The following EVPL variants were observed in gnomAD, a reference collection of about 807,000 sequenced individuals.
The protein encoded by EVPL is 210 kDa cornified envelope precursor protein.
In EVPL, 94 loss-of-function variants were observed where a neutral mutation model predicts 129.7. The ratio of observed to expected loss-of-function variants is 0.72; its 90% CI spans 0.61 to 0.86. The LOEUF is 0.86. Ranked by LOEUF, EVPL falls within the 40% of genes least tolerant of loss-of-function variation. The probability of loss-of-function intolerance (pLI) is 0.00; values close to 1 mark genes in which losing one functional copy is unlikely to be tolerated. For missense variants in EVPL, 2,625 were observed against 2,721.1 expected, an observed-to-expected ratio of 0.96 and a Z score of 0.79; for synonymous variants, 1,172 against 1,191.1, an observed-to-expected ratio of 0.98 and a Z score of 0.33.
rs755133528 is a variant in EVPL, at chr17:76,010,008, C to T, written c.3197G>A (p.Arg1066Lys). The T allele has an allele frequency of 1.9e-6, 3 of 1,613,498 alleles. No individual in the cohort carries two copies. Among genetic ancestry groups the T allele is most frequent in the Admixed American group, 3.3e-5 (2 of 60,030 alleles). Residue 1066 changes from arginine to lysine, a missense_variant, in exon 22 of 22, where the codon AGG (arginine) becomes AAG (lysine). By Grantham distance (26) the Arg-to-Lys change is conservative. Coordinates refer to ENST00000301607, the MANE Select transcript of EVPL (RefSeq NM_001988.4). ...LKKELLALEK[R>K]EVDVKEKVVV... ...GACCTTCTCCTTCACGTCCACCTCC[C>T]TCTTCTCAAGGGCCAGTAGCTCCTT... is the stretch of plus-strand genomic sequence containing the variant.
At chr17:76,015,396 C>T in intron 15 of EVPL, 31 bp from the exon 16 acceptor site, 1 of 1,603,600 alleles carries the variant, frequency 6.2e-7, no homozygotes, top group Non-Finnish European at 8.5e-7. Context: ...CTCAGACACT[C>T]CCTGGGCCAC....
chr17:76,020,155 ATAAACT>A (rs1239079149), intron 9 of EVPL, among the ~76,000 whole-genome samples: 2 of 148,816 alleles, frequency 1.3e-5, no homozygotes, highest in African/African-American at 2.5e-5. Context: ...CACAAACCAG[ATAAACT>A]TAAACCAGAT....
At position 76,007,959 on chromosome 17, in the gene EVPL, A is replaced by G. The variant is rs202123368; in HGVS notation, c.5246T>C (p.Ile1749Thr). 2 of 1,614,100 alleles carry G rather than the reference A, an allele frequency of 1.2e-6. No individual in the cohort carries two copies. Among genetic ancestry groups the G allele is most frequent in the Non-Finnish European group, 1.7e-6 (2 of 1,180,030 alleles). ...GCGCCGGCAGCGGAGGGCGGCCTCG[A>G]TGGAGTACTGCTTCCCGCTCTTGCG... is the stretch of plus-strand genomic sequence containing the variant. The part of the protein sequence containing the change: ...LDRKSGKQYS[I>T]EAALRCRRIS... Residue 1749 changes from isoleucine (I) to threonine (T), a missense_variant, in exon 22 of 22, where the codon ATC becomes ACC. Around this residue, in one of 4 missense-constraint regions of EVPL, gnomAD observed 1,453 missense variants for 1,511.8 expected, o/e 0.96. Coordinates refer to ENST00000301607, the MANE Select transcript of EVPL (RefSeq NM_001988.4). The surrounding 1 kb of genome is among the most constrained non-coding windows in gnomAD (Gnocchi z 8.8).
Position 76,015,078 on chromosome 17 carries a change from G to T in EVPL, c.2060C>A (p.Thr687Asn). Residue 687 changes from threonine to asparagine, a missense_variant, in exon 17 of 22, where the codon ACC (threonine) becomes AAC (asparagine). By Grantham distance (65) the Thr-to-Asn change is moderately conservative (BLOSUM62 0). Transcript: ENST00000301607. ...CGCGCGGTGTAGCCGCAGCACGCAG[G>T]TCTGCTGTTCCAGCAGCTCCCTCCG... ...RQRRELLEQQ[T>N]CVLRLHRALK... 1 of 1,579,334 alleles carries T rather than the reference G, an allele frequency of 6.3e-7. No individual in the cohort carries two copies. The highest frequency in any genetic ancestry group is 8.6e-7 in the Non-Finnish European group (1 of 1,164,266).
Position 76,008,303 on chromosome 17 carries a change from C to T in EVPL, c.4902G>A (p.Arg1634=), listed in dbSNP as rs1406133005. The T allele has an allele frequency of 6.2e-7, 1 of 1,609,612 alleles. No individual in the cohort carries two copies. Among genetic ancestry groups the T allele is most frequent in the South Asian group, 1.1e-5 (1 of 91,072 alleles). The part of the protein sequence containing the change: ...TESERQKAAQ[R]GQELSRLEAA... ...CCTCCAGCCGCGAGAGCTCCTGGCC[C>T]CGCTGGGCCGCCTTCTGTCGCTCGC... The change falls in exon 22 of 22, where the codon CGG becomes CGA. Residue 1634 remains arginine, a synonymous_variant. Transcript: ENST00000301607. This position sits in a 1 kb window ranked among gnomAD's most constrained non-coding sequence, Gnocchi z 7.4.
In EVPL at chr17:76,009,481, G is replaced by A. The variant is rs141948489; in HGVS notation, c.3724C>T (p.Arg1242Trp). 140 of 1,613,910 alleles carry A rather than the reference G, an allele frequency of 8.7e-5. No individual in the cohort carries two copies. The highest frequency in any genetic ancestry group is 1.1e-4 in the Non-Finnish European group (132 of 1,180,040). ...EKLLPDLEVL[R>W]AQKPTVEYKE... ...TACTCCACCGTGGGCTTCTGGGCCC[G>A]CAGGACCTCCAGGTCGGGCAGCAGC... Residue 1242 changes from arginine (R) to tryptophan (W), a missense_variant, in exon 22 of 22, where the codon CGG becomes TGG. Transcript: ENST00000301607. This position sits in a 1 kb window ranked among gnomAD's most constrained non-coding sequence, Gnocchi z 5.9.
rs752078611 is a variant in EVPL at position 76,010,305 on chromosome 17, T to C, written c.2900A>G (p.Gln967Arg). 1.9e-6 allele frequency: 3 copies of C among 1,613,954 alleles called. No individual in the cohort carries two copies. ...KEVVEFYRDP[Q>R]LEGSLSRVKA... is the part of the protein sequence containing the mutation. ...CACCCTGGACAGGCTGCCCTCCAGC[T>C]GGGGGTCCCGGTAGAACTCTACCAC... The change falls in exon 22 of 22, where the codon CAG (glutamine) becomes CGG (arginine). Residue 967 changes from glutamine (Q) to arginine (R), a missense_variant. Transcript: ENST00000301607.
rs1357999681 is a variant in EVPL, at chr17:76,013,463, G to A, written c.2373+963C>T. On this transcript the variant is annotated intron_variant, in intron 18 of 21. Coordinates refer to ENST00000301607, the MANE Select transcript of EVPL (RefSeq NM_001988.4). The surrounding 1 kb of genome is among the most constrained non-coding windows in gnomAD (Gnocchi z 4.3). The stretch of plus-strand genomic sequence containing the variant: ...CGGCTGTCCTGGCCACCTCATTTCA[G>A]CATGACCCAGCCGGCCCCATTCCTC... 6.6e-6 allele frequency among the ~76,000 whole-genome samples: 1 copy of A among 152,098 alleles called. No homozygotes were observed. Among genetic ancestry groups the A allele is most frequent in the East Asian group, 1.9e-4 (1 of 5,184 alleles).
chr17:76,015,569 G>C lies in EVPL; in HGVS notation c.1770C>G (p.Cys590Trp). 1 of 1,613,304 alleles carries C rather than the reference G, an allele frequency of 6.2e-7. No homozygotes were observed. The highest frequency in any genetic ancestry group is 8.5e-7 in the Non-Finnish European group (1 of 1,180,024). Residue 590 changes from cysteine to tryptophan, a missense_variant, in exon 15 of 22, where the codon TGC (cysteine) becomes TGG (tryptophan). By Grantham distance (215) the Cys-to-Trp change is radical (BLOSUM62 -2). Coordinates refer to ENST00000301607, the MANE Select transcript of EVPL (RefSeq NM_001988.4). ...GTEKETAQKE[C>W]EAFLSTRPVG... ...CGGGCCGCGTGGACAGAAACGCCTC[G>C]CACTCCTTCTGGGCTGTCTCCTTCT...
chr17:76,012,124 A>C, intron 18 of EVPL, 35 bp from the exon 19 acceptor site: 2 of 1,540,488 alleles, frequency 1.3e-6, no homozygotes, highest in South Asian at 2.3e-5. Context: ...GGAGGCCAGG[A>C]AATGCCAATC....
At position 76,009,741 on chromosome 17, in the gene EVPL, A is replaced by G; in HGVS notation, c.3464T>C (p.Leu1155Pro). The change falls in exon 22 of 22, where the codon CTG becomes CCG. Residue 1155 changes from leucine (L) to proline (P), a missense_variant. Leu to Pro is a moderately conservative substitution (Grantham distance 98). Coordinates refer to ENST00000301607, the MANE Select transcript of EVPL (RefSeq NM_001988.4). This position sits in a 1 kb window ranked among gnomAD's most constrained non-coding sequence, Gnocchi z 5.9. ...CCTCTCCTCCTCGAGGAGGCTCCTCAGCCTGGAGGACTCCTGGAGGAGCCC... is the reference window on the plus strand; with the variant it reads ...CCTCTCCTCCTCGAGGAGGCTCCTCGGCCTGGAGGACTCCTGGAGGAGCCC... ...DPGLLQESSR[L>P]RSLLEEERTK... The G allele has an allele frequency of 6.2e-7, 1 of 1,613,594 alleles. No individual in the cohort carries two copies. The highest frequency in any genetic ancestry group is 8.5e-7 in the Non-Finnish European group (1 of 1,179,962).
chr17:76,021,119 A>G (rs2066454022), intron 9 of EVPL, among the ~76,000 whole-genome samples: 1 of 152,102 alleles, frequency 6.6e-6, no homozygotes. Context: ...GCAGTGGACC[A>G]ATCTCGGCCC....
At chr17:76,026,522 C>T (rs1361616189) in intron 1 of EVPL, among the ~76,000 whole-genome samples, 1 of 152,212 alleles carries the variant, frequency 6.6e-6, no homozygotes, top group Admixed American at 6.5e-5. Flanking sequence ...GCCATGAACC[C>T]CTAACTCTTC....
At chr17:76,015,813 A>C (rs937674181) in intron 14 of EVPL, among the ~76,000 whole-genome samples, 185 bp from the exon 15 acceptor site, 3 of 152,200 alleles carry the variant, frequency 2.0e-5, no homozygotes, top group African/African-American at 7.2e-5. Context: ...GGGGCAGAGC[A>C]AACTGTCTGA....
At chr17:76,021,141 C>T (rs1287518409) in intron 9 of EVPL, among the ~76,000 whole-genome samples, 6 of 152,108 alleles carry the variant, frequency 3.9e-5, no homozygotes, top group Non-Finnish European at 7.4e-5. Context: ...CTGCAACCTC[C>T]GCCTCCTGGG....
At position 76,010,304 on chromosome 17, in the gene EVPL, C is replaced by T. The variant is rs780764416; in HGVS notation, c.2901G>A (p.Gln967=). Residue 967 remains glutamine, a synonymous_variant, in exon 22 of 22, where the codon CAG becomes CAA. Coordinates refer to ENST00000301607, the MANE Select transcript of EVPL (RefSeq NM_001988.4). ...KEVVEFYRDP[Q]LEGSLSRVKA... ...TCACCCTGGACAGGCTGCCCTCCAG[C>T]TGGGGGTCCCGGTAGAACTCTACCA... 1.3e-5 allele frequency: 21 copies of T among 1,613,810 alleles called. 1 individual carries two copies. The South Asian group carries it at 2.2e-4, about 17-fold the overall frequency.
At position 76,013,314 on chromosome 17, in the gene EVPL, ACT is replaced by A. The variant is rs1011083683; in HGVS notation, c.2373+1110_2373+1111del. 6.7e-5 allele frequency among the ~76,000 whole-genome samples: 10 copies of A among 149,926 alleles called. No individual in the cohort carries two copies. The highest frequency in any genetic ancestry group is 1.3e-4 in the Non-Finnish European group (9 of 67,394). On this transcript the variant is annotated intron_variant, in intron 18 of 21. Transcript: ENST00000301607. This position sits in a 1 kb window ranked among gnomAD's most constrained non-coding sequence, Gnocchi z 4.3. The stretch of plus-strand genomic sequence containing the variant: ...GCCCCCTTCCCAATGTCACCTCCCT[ACT>A]CTCTCCCCAGATATTCTCATTTTCC...
rs1168692708 is a variant in EVPL, at chr17:76,007,289, C to T, written c.5916G>A (p.Leu1972=). ...CCTTCTCGTAGCTGGACTCGTCCTG[C>T]AGGAGCTGGGCCAGCTCTTCACTGA... ...GMISEELAQL[L]QDESSYEKDL... is the part of the protein sequence containing the mutation. Residue 1972 remains leucine, a synonymous_variant, in exon 22 of 22, where the codon CTG becomes CTA. Transcript: ENST00000301607. This position sits in a 1 kb window ranked among gnomAD's most constrained non-coding sequence, Gnocchi z 8.8. The T allele has an allele frequency of 6.4e-7, 1 of 1,555,468 alleles. No homozygotes were observed. The highest frequency in any genetic ancestry group is 8.7e-7 in the Non-Finnish European group (1 of 1,148,740).
At position 76,007,288 on chromosome 17, in the gene EVPL, G is replaced by A. The variant is rs1465164567; in HGVS notation, c.5917C>T (p.Gln1973Ter). 4 of 1,555,048 alleles carry A rather than the reference G, an allele frequency of 2.6e-6. No homozygotes were observed. The highest frequency in any genetic ancestry group is 4.5e-5 in the East Asian group (2 of 44,238). ...MISEELAQLLQDESSYEKDLT... is the reference protein window; with the variant it reads ...MISEELAQLL ...TCCTTCTCGTAGCTGGACTCGTCCT[G>A]CAGGAGCTGGGCCAGCTCTTCACTG... is the stretch of plus-strand genomic sequence containing the variant. Residue 1973 changes from glutamine (Q) to a stop codon, truncating the protein, a stop_gained, in exon 22 of 22, where the codon CAG becomes TAG. Coordinates refer to ENST00000301607, the MANE Select transcript of EVPL (RefSeq NM_001988.4). LOFTEE classifies it low-confidence loss of function (END_TRUNC). This position sits in a 1 kb window ranked among gnomAD's most constrained non-coding sequence, Gnocchi z 8.8.
Sources: gnomAD v4.1 joint callset for allele counts (sites outside exome capture counted in the v4.1 genomes callset) on GRCh38, gnomAD v4.1.1 for gene constraint, gnomAD v4.1.1 regional missense constraint, Gnocchi (gnomAD v3.1) non-coding constraint, MANE v1.5 for transcripts, NCBI Gene and HGNC (gene_info 2026-07-23, HGNC 2026-07-21) for gene names.